The following PTPRD variants were observed in gnomAD, a reference collection of about 807,000 sequenced individuals.
PTPRD encodes protein tyrosine phosphatase receptor type D.
Under a neutral mutation model 214.5 loss-of-function variants are expected in PTPRD, and 34 were observed. That is an observed-to-expected ratio of 0.16 (90% CI 0.12 to 0.21). The LOEUF (loss-of-function observed/expected upper bound fraction) is 0.21. Ranked by LOEUF, PTPRD falls within the 10% of genes least tolerant of loss-of-function variation. The pLI is 1.00. For missense variants in PTPRD, 2,545 were observed against 2,398.7 expected, an observed-to-expected ratio of 1.06 and a Z score of -1.27; for synonymous variants, 1,128 against 845.7, an observed-to-expected ratio of 1.33 and a Z score of -5.79.
At chr9:8,972,905 G>A (rs2154334088) in intron 11 of PTPRD, among the ~76,000 whole-genome samples, 1 of 151,674 alleles carries the variant, frequency 6.6e-6, no homozygotes, top group South Asian at 2.1e-4. Flanking sequence ...TTGTTTTTGA[G>A]TGGATCAATG....
intron 5 of PTPRD, among the ~76,000 whole-genome samples, chr9:9,910,395 C>A (rs569979533): frequency 6.6e-6 from 1 of 151,752 alleles, no homozygotes; most frequent in South Asian, 2.1e-4. Flanking sequence ...CATCTGTATA[C>A]GAGTATGCAG....
chr9:8,388,982 C>CTT (rs34248103), intron 37 of PTPRD, among the ~76,000 whole-genome samples: 80 of 130,038 alleles, frequency 6.2e-4, no homozygotes, highest in African/African-American at 8.2e-4. Context: ...GTGAATATTC[C>CTT]TTTTTTTTTT....
chr9:9,243,556 T>C (rs1426348956), intron 9 of PTPRD, among the ~76,000 whole-genome samples: 1 of 152,116 alleles, frequency 6.6e-6, no homozygotes, highest in Non-Finnish European at 1.5e-5. Flanking sequence ...ATTATCTCAA[T>C]AGATTCAGAA....
intron 2 of PTPRD, among the ~76,000 whole-genome samples, chr9:10,378,880 G>C (rs1289514001): frequency 1.3e-5 from 2 of 151,946 alleles, no homozygotes; most frequent in Admixed American, 1.3e-4. Flanking sequence ...AATAGGGATT[G>C]TATTGAATCT....
At chr9:10,057,123 AT>A (rs2097667067) in intron 3 of PTPRD, among the ~76,000 whole-genome samples, 1 of 152,070 alleles carries the variant, frequency 6.6e-6, no homozygotes, top group African/African-American at 2.4e-5. Context: ...GTTCTCCTAA[AT>A]TTTCCTGGAT....
At chr9:9,948,475 G>C (rs920114049) in intron 4 of PTPRD, among the ~76,000 whole-genome samples, 4 of 152,028 alleles carry the variant, frequency 2.6e-5, no homozygotes, top group Admixed American at 2.6e-4. Flanking sequence ...GGCAGGTGAT[G>C]AACATTTTAA....
chr9:10,572,259 C>T (rs1186514664), intron 2 of PTPRD, among the ~76,000 whole-genome samples: 4 of 152,142 alleles, frequency 2.6e-5, no homozygotes, highest in African/African-American at 9.7e-5. Flanking sequence ...TGTTTTAAAG[C>T]TGTGCAATCA....
intron 7 of PTPRD, among the ~76,000 whole-genome samples, chr9:9,693,380 C>A (rs1448648381): frequency 6.6e-6 from 1 of 152,090 alleles, no homozygotes; most frequent in African/African-American, 2.4e-5. Context: ...CCTGTACTCT[C>A]ACAGACACTC....
In PTPRD at chr9:9,024,338, G is replaced by GTTT. The variant is rs746383829; in HGVS notation, c.-142-5606_-142-5604dup. On this transcript the variant is annotated intron_variant, in intron 10 of 45. Transcript: ENST00000381196. The stretch of plus-strand genomic sequence containing the variant: ...TCGAAAAGGCTATTGTCGATTCTTT[G>GTTT]TTTTTTTTTGTTTGTTTTTTTTTTT... 6.5e-3 allele frequency among the ~76,000 whole-genome samples: 400 copies of GTTT among 61,174 alleles called. 1 individual carries two copies. Among genetic ancestry groups the GTTT allele is most frequent in the East Asian group, 0.019 (35 of 1,862 alleles). The allele number at this position is 61,174 out of a possible 152,430, so 40.1% of individuals were successfully genotyped here.
At chr9:9,316,394 T>C (rs1037999312) in intron 9 of PTPRD, among the ~76,000 whole-genome samples, 1 of 152,078 alleles carries the variant, frequency 6.6e-6, no homozygotes, top group East Asian at 1.9e-4. Flanking sequence ...GAAAAATCAT[T>C]TATAGTACAC....
chr9:8,509,449 C>T (rs565703751), intron 21 of PTPRD, among the ~76,000 whole-genome samples: 2 of 152,118 alleles, frequency 1.3e-5, no homozygotes, highest in Admixed American at 6.5e-5. Flanking sequence ...TTTCTTTCTC[C>T]CAATTTCCTG....
Position 8,526,659 on chromosome 9 carries a change from T to G in PTPRD, c.551-15A>C. On this transcript the variant is annotated splice_polypyrimidine_tract_variant and intron_variant, in intron 16 of 45. Coordinates refer to ENST00000381196, the MANE Select transcript of PTPRD (RefSeq NM_002839.4). ...TGGTGTACCACCTGGGTGGATAATATGAATGCAAATAAGATTAGAAAGAAG... is the reference window on the plus strand; with the variant it reads ...TGGTGTACCACCTGGGTGGATAATAGGAATGCAAATAAGATTAGAAAGAAG... 6.3e-7 allele frequency: 1 copy of G among 1,575,712 alleles called. No homozygotes were observed. The highest frequency in any genetic ancestry group is 8.6e-7 in the Non-Finnish European group (1 of 1,157,912).
At chr9:9,940,727 C>T (rs2091224031) in intron 4 of PTPRD, among the ~76,000 whole-genome samples, 1 of 152,160 alleles carries the variant, frequency 6.6e-6, no homozygotes, top group South Asian at 2.1e-4. Context: ...CTCTTCACCA[C>T]TTGTTCTAAT....
intron 3 of PTPRD, among the ~76,000 whole-genome samples, chr9:10,293,904 CA>C (rs1015034106): frequency 3.0e-4 from 45 of 151,878 alleles, no homozygotes; most frequent in African/African-American, 1.1e-3. Context: ...ATATTGTGGG[CA>C]AAATGTTTTC....
chr9:9,713,117 C>CCAAAGG (rs2097764874), intron 7 of PTPRD, among the ~76,000 whole-genome samples: 1 of 141,282 alleles, frequency 7.1e-6, no homozygotes, highest in Non-Finnish European at 1.5e-5. Flanking sequence ...GCCTATTGCA[C>CCAAAGG]TGATATCCAC....
At chr9:9,550,359 T>C (rs2079887809) in intron 8 of PTPRD, among the ~76,000 whole-genome samples, 1 of 150,368 alleles carries the variant, frequency 6.7e-6, no homozygotes, top group African/African-American at 2.4e-5. Context: ...AAGAAGTATA[T>C]ATATTTCTCA....
chr9:9,645,716 T>A (rs1159365041), intron 7 of PTPRD, among the ~76,000 whole-genome samples: 1 of 152,040 alleles, frequency 6.6e-6, no homozygotes, highest in Non-Finnish European at 1.5e-5. Flanking sequence ...CTTCCCACTG[T>A]TTCCTTGAAA....
At chr9:8,925,276 C>T (rs2098866744) in intron 11 of PTPRD, among the ~76,000 whole-genome samples, 1 of 152,052 alleles carries the variant, frequency 6.6e-6, no homozygotes, top group Admixed American at 6.6e-5. Flanking sequence ...CACCTTCCTA[C>T]ATTAAAGGGT....
At chr9:9,351,150 T>A (rs958150700) in intron 9 of PTPRD, among the ~76,000 whole-genome samples, 2 of 152,066 alleles carry the variant, frequency 1.3e-5, no homozygotes, top group Non-Finnish European at 2.9e-5. Flanking sequence ...GAGCTTTTCT[T>A]AGAAGGGCTG....
Sources: gnomAD v4.1 joint callset for allele counts (sites outside exome capture counted in the v4.1 genomes callset) on GRCh38, gnomAD v4.1.1 for gene constraint, MANE v1.5 for transcripts, NCBI Gene and HGNC (gene_info 2026-07-23, HGNC 2026-07-21) for gene names.